ATAD5: variants seen among roughly 807,000 people sequenced by gnomAD.
ATAD5 encodes ATPase family AAA domain containing 5, also known as ATPase family AAA domain-containing protein 5.
A neutral mutation model predicts 176.9 loss-of-function variants in ATAD5; 58 were observed. The ratio of observed to expected loss-of-function variants is 0.33; its 90% CI spans 0.27 to 0.41. The LOEUF is 0.41. ATAD5 is among the 10% of genes least tolerant of loss of function. The probability of loss-of-function intolerance (pLI) is 1.00; values close to 1 mark genes in which losing one functional copy is unlikely to be tolerated. For synonymous variants in ATAD5, 640 were observed against 712.6 expected, an observed-to-expected ratio of 0.90 and a Z score of 1.62; for missense variants, 1,789 against 2,094.1, an observed-to-expected ratio of 0.85 and a Z score of 2.84.
chr17:30,865,465 C>G (rs1907926428), intron 10 of ATAD5, among the ~76,000 whole-genome samples: 1 of 152,072 alleles, frequency 6.6e-6, no homozygotes, highest in Non-Finnish European at 1.5e-5. Flanking sequence ...AACCACCGCG[C>G]CTGGCTAACA....
At position 30,876,358 on chromosome 17, in the gene ATAD5, A is replaced by G. The variant is rs1479975338; in HGVS notation, c.3608-16A>G. 10 of 1,567,524 alleles carry G rather than the reference A, an allele frequency of 6.4e-6. No individual in the cohort carries two copies. The highest frequency in any genetic ancestry group is 4.1e-5 in the Admixed American group (2 of 48,910). ...TTTAGAATATTTATCTTTAAGTGCA[A>G]TTTGTTTTTGGGCAGAAAAAATAAG... is the stretch of plus-strand genomic sequence containing the variant. On this transcript the variant is annotated splice_polypyrimidine_tract_variant and intron_variant, in intron 14 of 22. Coordinates refer to ENST00000321990, the MANE Select transcript of ATAD5 (RefSeq NM_024857.5).
chr17:30,885,637 T>TTTG, intron 18 of ATAD5, among the ~76,000 whole-genome samples: 2 of 136,990 alleles, frequency 1.5e-5, no homozygotes, highest in African/African-American at 5.6e-5. Context: ...TTTTTTTTTT[T>TTTG]TTTTTTTTTT....
intron 19 of ATAD5, among the ~76,000 whole-genome samples, chr17:30,891,747 G>A (rs757218246): frequency 2.0e-5 from 3 of 151,914 alleles, no homozygotes; most frequent in Admixed American, 6.6e-5. Flanking sequence ...GTGCAGTGGC[G>A]TGATCTCGGC....
chr17:30,864,385 G>T (rs1217123259), intron 10 of ATAD5: 2 of 152,206 alleles, frequency 1.3e-5, no homozygotes, highest in Non-Finnish European at 2.9e-5. Context: ...CACATATGCA[G>T]GTTTGTTACA....
intron 6 of ATAD5, among the ~76,000 whole-genome samples, chr17:30,854,361 T>G (rs1907161548): frequency 7.6e-6 from 1 of 131,462 alleles, no homozygotes; most frequent in African/African-American, 2.7e-5. Flanking sequence ...TTTATTAAAT[T>G]AATTTAAATT....
In ATAD5 at chr17:30,855,147, G is replaced by T. The variant is rs1907217277; in HGVS notation, c.2455G>T (p.Asp819Tyr). 2 of 1,600,972 alleles carry T rather than the reference G, an allele frequency of 1.2e-6. No individual in the cohort carries two copies. Among genetic ancestry groups the T allele is most frequent in the African/African-American group, 1.3e-5 (1 of 74,178 alleles). The change falls in exon 7 of 23, where the codon GAT (aspartate) becomes TAT (tyrosine). Residue 819 changes from aspartate to tyrosine, a missense_variant. Coordinates refer to ENST00000321990, the MANE Select transcript of ATAD5 (RefSeq NM_024857.5). ...TTCAAATCATTTTCTTAAAAGTCAA[G>T]ATACATCTGAAAAATCTCAGGATTG... is the stretch of plus-strand genomic sequence containing the variant. Reference protein sequence around the residue: ...PVPSFDESSQDTSEKSQDCDV... With the variant: ...PVPSFDESSQYTSEKSQDCDV...
chr17:30,856,333 G>A (rs1252635044), intron 7 of ATAD5, among the ~76,000 whole-genome samples: 3 of 152,184 alleles, frequency 2.0e-5, no homozygotes, highest in Non-Finnish European at 2.9e-5. Flanking sequence ...CTAAGATTTA[G>A]GATCTCGCCA....
In ATAD5 at chr17:30,869,267, C is replaced by T. The variant is rs759784649; in HGVS notation, c.3333C>T (p.Asp1111=). The T allele has an allele frequency of 6.2e-7, 1 of 1,610,694 alleles. No homozygotes were observed. The highest frequency in any genetic ancestry group is 8.5e-7 in the Non-Finnish European group (1 of 1,179,216). Residue 1111 remains aspartate, a synonymous_variant, in exon 13 of 23, where the codon GAC becomes GAT. Transcript: ENST00000321990. ...EKHEDFSGGI[D]FKGSSDDEEE... ...TTTCAGATTTCTCGGGTGGCATAGA[C>T]TTTAAAGGCAGTTCAGATGATGAAG...
intron 2 of ATAD5, among the ~76,000 whole-genome samples, chr17:30,836,759 G>A (rs1905772124): frequency 6.6e-6 from 1 of 151,660 alleles, no homozygotes; most frequent in South Asian, 2.1e-4. Context: ...GTAGAGACGG[G>A]GTTTTACCAT....
rs1416458988 is a variant in ATAD5 at position 30,855,423 on chromosome 17, TATC to T, written c.2635+99_2635+101del. On this transcript the variant is annotated intron_variant, in intron 7 of 22. Coordinates refer to ENST00000321990, the MANE Select transcript of ATAD5 (RefSeq NM_024857.5). ...CTTAAAGATGAGGCTGAAGTTTAAT[TATC>T]ATTCTTATGGTGACTTTAGTGGGAA... 1.5e-4 allele frequency: 184 copies of T among 1,240,958 alleles called. 1 individual carries two copies. In the South Asian group the frequency reaches 2.8e-3, roughly 19 times the overall value. The allele number at this position is 1,240,958 out of a possible 1,614,324, so 76.9% of individuals were successfully genotyped here.
At chr17:30,875,011 G>A (rs971142594) in intron 14 of ATAD5, among the ~76,000 whole-genome samples, 1 of 152,078 alleles carries the variant, frequency 6.6e-6, no homozygotes, top group Non-Finnish European at 1.5e-5. Flanking sequence ...GGTCATGTCT[G>A]TGACAGCTTT....
intron 7 of ATAD5, among the ~76,000 whole-genome samples, chr17:30,855,672 A>C (rs767181844): frequency 3.9e-5 from 6 of 152,042 alleles, no homozygotes; most frequent in Admixed American, 6.6e-5. Context: ...TCCTGTCTCT[A>C]AACTAGCTAA....
At chr17:30,834,011 TA>T in intron 1 of ATAD5, 136 bp from the exon 2 acceptor site, 1 of 740,994 alleles carries the variant, frequency 1.3e-6, no homozygotes, top group Non-Finnish European at 2.0e-6. Flanking sequence ...ATTTTCTTTC[TA>T]ATATATCACG....
chr17:30,847,547 G>A (rs1906591310), intron 6 of ATAD5, among the ~76,000 whole-genome samples: 1 of 151,456 alleles, frequency 6.6e-6, no homozygotes, highest in Non-Finnish European at 1.5e-5. Context: ...GGCCAGGCTG[G>A]TCTTGAACTC....
rs182809677 is a variant in ATAD5, at chr17:30,874,330, C to T, written c.3608-2044C>T. Among the ~76,000 whole-genome samples, 1,212 of 151,562 alleles carry T rather than the reference C, an allele frequency of 8.0e-3. 17 individuals carry two copies. The highest frequency in any genetic ancestry group is 0.028 in the African/African-American group (1,153 of 41,416). Reference sequence around the variant, plus strand: ...GGCTGAGGTGGGCGGATCACGAGGTCAGGAGATTGAGACCATCCTGGCCAA... The same window carrying T: ...GGCTGAGGTGGGCGGATCACGAGGTTAGGAGATTGAGACCATCCTGGCCAA... On this transcript the variant is annotated intron_variant, in intron 14 of 22. Coordinates refer to ENST00000321990, the MANE Select transcript of ATAD5 (RefSeq NM_024857.5).
At chr17:30,871,490 G>C (rs988811571) in intron 14 of ATAD5, among the ~76,000 whole-genome samples, 2 of 151,592 alleles carry the variant, frequency 1.3e-5, no homozygotes, top group African/African-American at 4.8e-5. Context: ...TGGGATTATA[G>C]GCAACCGCCA....
At chr17:30,861,767 C>T (rs1244851265) in intron 10 of ATAD5, 3 of 151,928 alleles carry the variant, frequency 2.0e-5, no homozygotes, top group Non-Finnish European at 4.4e-5. Flanking sequence ...CCACTTTGGC[C>T]TCCCAAAGTG....
chr17:30,845,068 C>T (rs979261583), intron 6 of ATAD5, 152 bp downstream of exon 6: 10 of 710,124 alleles, frequency 1.4e-5, no homozygotes, highest in Non-Finnish European at 2.2e-5. Context: ...GCTGCAACTG[C>T]TATTTGAATA....
chr17:30,847,826 T>C (rs1026367157), intron 6 of ATAD5, among the ~76,000 whole-genome samples: 5 of 150,908 alleles, frequency 3.3e-5, no homozygotes, highest in African/African-American at 1.2e-4. Flanking sequence ...TTTATGCCAT[T>C]CTCCTGCCTC....
Sources: allele counts gnomAD v4.1 joint callset (sites outside exome capture counted in the v4.1 genomes callset), GRCh38; gene constraint gnomAD v4.1.1; transcripts MANE v1.5; gene names NCBI Gene and HGNC (gene_info 2026-07-23, HGNC 2026-07-21).